Variants in AARSD1 observed in about 807,000 individuals in gnomAD.
The protein encoded by AARSD1 is alanyl-tRNA editing protein Aarsd1.
In AARSD1, 44 loss-of-function variants were observed where a neutral mutation model predicts 48.7. That is an observed-to-expected ratio of 0.90 (90% CI 0.71 to 1.16). AARSD1 has a LOEUF of 1.16. Ranked by LOEUF, AARSD1 falls within the 50% of genes most tolerant of loss-of-function variation. The pLI is 0.00. For synonymous variants in AARSD1, 189 were observed against 194.9 expected (o/e 0.97, Z 0.25); for missense variants, 511 against 523.1 (o/e 0.98, Z 0.23).
At chr17:42,960,267 CA>C (rs920798640) in intron 3 of AARSD1, among the ~76,000 whole-genome samples, 48 of 138,772 alleles carry the variant, frequency 3.5e-4, no homozygotes, top group Non-Finnish European at 3.1e-4. Flanking sequence ...GACTCCAACT[CA>C]AAAAAAAAAA....
At position 42,955,886 on chromosome 17, in the gene AARSD1, C is replaced by T. The variant is rs752525602; in HGVS notation, c.750G>A (p.Met250Ile). The T allele has an allele frequency of 6.2e-7, 1 of 1,614,146 alleles. No homozygotes were observed. Among genetic ancestry groups the T allele is most frequent in the South Asian group, 1.1e-5 (1 of 91,088 alleles). The change falls in exon 7 of 12, where the codon ATG (methionine) becomes ATA (isoleucine). Residue 250 changes from methionine to isoleucine, a missense_variant. Coordinates refer to ENST00000427569, the MANE Select transcript of AARSD1 (RefSeq NM_001261434.2). ...CTTTTTCAGTTCCATGACTTCTCTC[C>T]ATCCACTTCAGCACCCGGTTCCCAG... ...FLSGNRVLKW[M>I]ERSHGTEKAL... is the part of the protein sequence containing the mutation.
Position 42,964,366 on chromosome 17 carries a change from C to G in AARSD1, c.39+36G>C, listed in dbSNP as rs762216803. 1.9e-6 allele frequency: 3 copies of G among 1,562,446 alleles called. No homozygotes were observed. The Admixed American group carries it at 5.8e-5, about 30-fold the overall frequency. On this transcript the variant is annotated intron_variant, in intron 1 of 11. Coordinates refer to ENST00000427569, the MANE Select transcript of AARSD1 (RefSeq NM_001261434.2). ...CCTCTTCCCCAAACCGCCTTGCCGG[C>G]CCGGCAGTCTCAAGTGCCTCGCCGT...
chr17:42,954,849 C>T (rs750149861), intron 9 of AARSD1, 27 bp downstream of exon 9: 1 of 1,612,500 alleles, frequency 6.2e-7, no homozygotes, highest in East Asian at 2.2e-5. Context: ...AGTTCCCCTT[C>T]CTTGTGTCCA....
At chr17:42,956,144 ATGT>A in intron 6 of AARSD1, 57 bp downstream of exon 6, 1 of 1,612,290 alleles carries the variant, frequency 6.2e-7, no homozygotes, top group Non-Finnish European at 8.5e-7. Context: ...TCCCAGCCCC[ATGT>A]GATCCCCTCT....
At chr17:42,957,247 C>T (rs1217434957) in intron 3 of AARSD1, 52 bp from the exon 4 acceptor site, 2 of 1,603,758 alleles carry the variant, frequency 1.2e-6, no homozygotes, top group African/African-American at 1.3e-5. Flanking sequence ...TACATACTCC[C>T]ACAATGATAA....
chr17:42,954,735 T>A, intron 9 of AARSD1, 141 bp downstream of exon 9: 5 of 939,276 alleles, frequency 5.3e-6, no homozygotes, highest in Non-Finnish European at 8.0e-6. Flanking sequence ...GCCCGGCCAG[T>A]AACATATTTC....
At chr17:42,951,664 C>T (rs2049480439) in intron 11 of AARSD1, 136 bp downstream of exon 11, 3 of 892,022 alleles carry the variant, frequency 3.4e-6, no homozygotes, top group African/African-American at 3.4e-5. Flanking sequence ...ATAATTATCT[C>T]TGCTCAGCCC....
chr17:42,954,579 C>T (rs532167882), intron 9 of AARSD1, among the ~76,000 whole-genome samples: 11 of 152,046 alleles, frequency 7.2e-5, no homozygotes, highest in Non-Finnish European at 1.2e-4. Flanking sequence ...GGACTACAGG[C>T]GCGTACTACC....
intron 2 of AARSD1, among the ~76,000 whole-genome samples, chr17:42,963,060 C>T (rs745914941): frequency 8.6e-5 from 13 of 151,582 alleles, no homozygotes; most frequent in Non-Finnish European, 1.6e-4. Flanking sequence ...CTGCATGGTT[C>T]GCTGCCCACA....
chr17:42,952,333 C>G (rs908571494), intron 10 of AARSD1, among the ~76,000 whole-genome samples: 2 of 152,132 alleles, frequency 1.3e-5, no homozygotes, highest in African/African-American at 4.8e-5. Flanking sequence ...TGCTCCTCCA[C>G]CTCTAGCATT....
In AARSD1 at chr17:42,950,559, TCCTGTGGAAACAGGAGGTGAGTGC is replaced by T; in HGVS notation, c.*10_*33del. ...CAATCTATTTTATTGACCAAAAGATTCCTGTGGAAACAGGAGGTGAGTGCCCTAAGCCCTCACTCCTTAGCACTC... is the reference window on the plus strand; with the variant it reads ...CAATCTATTTTATTGACCAAAAGATTCCTAAGCCCTCACTCCTTAGCACTC... On this transcript the variant is annotated 3_prime_UTR_variant, in exon 12 of 12. Coordinates refer to ENST00000427569, the MANE Select transcript of AARSD1 (RefSeq NM_001261434.2). 4 of 1,569,000 alleles carry T rather than the reference TCCTGTGGAAACAGGAGGTGAGTGC, an allele frequency of 2.5e-6. No homozygotes were observed. Among genetic ancestry groups the T allele is most frequent in the Non-Finnish European group, 3.5e-6 (4 of 1,157,024 alleles).
chr17:42,961,396 C>A lies in AARSD1; in HGVS notation c.172-45G>T. 3 of 1,612,362 alleles carry A rather than the reference C, an allele frequency of 1.9e-6. No individual in the cohort carries two copies. In the South Asian group the frequency reaches 3.3e-5, roughly 18 times the overall value. Reference sequence around the variant, plus strand: ...GTAATCAATGGCAAGGCAGGGCTCACCCTAACTTCTAGGTACAAAGACCCT... The same window carrying A: ...GTAATCAATGGCAAGGCAGGGCTCAACCTAACTTCTAGGTACAAAGACCCT... On this transcript the variant is annotated intron_variant, in intron 2 of 11. Coordinates refer to ENST00000427569, the MANE Select transcript of AARSD1 (RefSeq NM_001261434.2).
intron 9 of AARSD1, among the ~76,000 whole-genome samples, chr17:42,954,432 C>CT (rs200812055): frequency 0.21 from 31,696 of 147,700 alleles, 3,357 homozygotes; most frequent in South Asian, 0.23. Flanking sequence ...TAACATATTT[C>CT]TTTTTTTTTT....
At chr17:42,962,842 G>A (rs1350977144) in intron 2 of AARSD1, among the ~76,000 whole-genome samples, 2 of 152,114 alleles carry the variant, frequency 1.3e-5, no homozygotes, top group Non-Finnish European at 2.9e-5. Context: ...ATCAGCCTGG[G>A]CAATAAAGTG....
chr17:42,955,267 C>T (rs964604419), intron 7 of AARSD1, 43 bp from the exon 8 acceptor site: 3 of 1,610,948 alleles, frequency 1.9e-6, no homozygotes, highest in Non-Finnish European at 2.5e-6. Flanking sequence ...GCTTCCCAGT[C>T]GTTTCTGATG....
chr17:42,956,498 ACTT>A lies in AARSD1; in HGVS notation c.449_451del (p.Gln150_Val151delinsLeu). On this transcript the variant is annotated inframe_deletion, in exon 5 of 12. Coordinates refer to ENST00000427569, the MANE Select transcript of AARSD1 (RefSeq NM_001261434.2). Reference sequence around the variant, plus strand: ...ATTGACGCTCTGCTCAATGGCAGCTACTTGCTCTGCAGTCATAGAGGGGGTGTC... The same window carrying A: ...ATTGACGCTCTGCTCAATGGCAGCTAGCTCTGCAGTCATAGAGGGGGTGTC... 1 of 1,613,814 alleles carries A rather than the reference ACTT, an allele frequency of 6.2e-7. No individual in the cohort carries two copies. The highest frequency in any genetic ancestry group is 2.2e-5 in the East Asian group (1 of 44,866).
chr17:42,958,566 GTATT>G (rs1287863560), intron 3 of AARSD1, among the ~76,000 whole-genome samples: 8 of 151,032 alleles, frequency 5.3e-5, no homozygotes, highest in Non-Finnish European at 8.9e-5. Context: ...ATTTATTTTT[GTATT>G]TATTTATTTA....
intron 10 of AARSD1, among the ~76,000 whole-genome samples, chr17:42,952,520 G>T (rs1208762072): frequency 6.6e-6 from 1 of 152,128 alleles, no homozygotes; most frequent in Non-Finnish European, 1.5e-5. Context: ...ATACAAAAGA[G>T]ATAGTGGGGC....
chr17:42,957,973 C>T (rs923652453), intron 3 of AARSD1, among the ~76,000 whole-genome samples: 5 of 151,970 alleles, frequency 3.3e-5, no homozygotes, highest in African/African-American at 1.2e-4. Flanking sequence ...ACAAGACAGC[C>T]AAAGGCCTTA....
Sources: allele counts gnomAD v4.1 joint callset (sites outside exome capture counted in the v4.1 genomes callset), GRCh38; gene constraint gnomAD v4.1.1; transcripts MANE v1.5; gene names NCBI Gene and HGNC (gene_info 2026-07-23, HGNC 2026-07-21).